The following DENND5A variants were observed in gnomAD, a reference collection of about 807,000 sequenced individuals.
The protein encoded by DENND5A is DENN domain containing 5A.
In DENND5A, 64 loss-of-function variants were observed where a neutral mutation model predicts 140.3. The observed-to-expected ratio is 0.46, with a 90% CI of 0.37 to 0.56. The LOEUF is 0.56. Among genes scored for constraint, DENND5A ranks in the 20% least tolerant of loss-of-function variants. The probability of loss-of-function intolerance (pLI) is 0.00; values close to 1 mark genes in which losing one functional copy is unlikely to be tolerated. For missense variants in DENND5A, 1,292 were observed against 1,593.8 expected, an observed-to-expected ratio of 0.81 and a Z score of 3.22; for synonymous variants, 605 against 607.7, an observed-to-expected ratio of 1.00 and a Z score of 0.07.
At position 9,203,846 on chromosome 11, in the gene DENND5A, G is replaced by A. The variant is rs1339874323; in HGVS notation, c.763C>T (p.Pro255Ser). The A allele has an allele frequency of 6.2e-7, 1 of 1,614,188 alleles. No individual in the cohort carries two copies. Among genetic ancestry groups the A allele is most frequent in the South Asian group, 1.1e-5 (1 of 91,086 alleles). The change falls in exon 4 of 23, where the codon CCT (proline) becomes TCT (serine). Residue 255 changes from proline to serine, a missense_variant. Physicochemically the swap from Pro to Ser is moderately conservative, Grantham distance 74. Coordinates refer to ENST00000328194, the MANE Select transcript of DENND5A (RefSeq NM_015213.4). ...GAAAACTTCAAGGACCGGCCAGGAG[G>A]TGGGAGCGGCACCTCGTAGAGTACG... ...YNVLYEVPLP[P>S]PGRSLKFSGV...
intron 15 of DENND5A, 127 bp downstream of exon 15, chr11:9,149,954 A>G: frequency 1.5e-6 from 2 of 1,313,694 alleles, no homozygotes; most frequent in Non-Finnish European, 2.0e-6. Flanking sequence ...CAAAACCTTC[A>G]TAAGCAAAGA....
At chr11:9,212,492 G>A (rs1255860257) in intron 1 of DENND5A, among the ~76,000 whole-genome samples, 1 of 151,970 alleles carries the variant, frequency 6.6e-6, no homozygotes, top group Non-Finnish European at 1.5e-5. Context: ...CAAACTTCTA[G>A]AAACCAATGA....
At chr11:9,207,789 AAAC>A (rs1451605793) in intron 1 of DENND5A, among the ~76,000 whole-genome samples, 157 bp from the exon 2 acceptor site, 4 of 152,192 alleles carry the variant, frequency 2.6e-5, no homozygotes, top group Non-Finnish European at 5.9e-5. Flanking sequence ...AAATTTCACA[AAAC>A]AATACTTACC....
At chr11:9,225,132 A>C (rs1007610713) in intron 1 of DENND5A, among the ~76,000 whole-genome samples, 8 of 152,236 alleles carry the variant, frequency 5.3e-5, no homozygotes, top group Admixed American at 4.6e-4. Flanking sequence ...ATGTATCTCT[A>C]GAATTGCAAC....
intron 1 of DENND5A, among the ~76,000 whole-genome samples, chr11:9,261,005 C>T (rs1305892302): frequency 7.2e-6 from 1 of 139,550 alleles, no homozygotes; most frequent in Non-Finnish European, 1.5e-5. Flanking sequence ...CATGCCACCA[C>T]ACCCAGCTAA....
intron 1 of DENND5A, among the ~76,000 whole-genome samples, chr11:9,231,193 C>T (rs1850754701): frequency 6.6e-6 from 1 of 152,188 alleles, no homozygotes; most frequent in Admixed American, 6.5e-5. Flanking sequence ...AAACAGGACA[C>T]ATAAATGTGC....
chr11:9,194,322 T>C (rs562908905), intron 4 of DENND5A, among the ~76,000 whole-genome samples: 27 of 152,298 alleles, frequency 1.8e-4, no homozygotes, highest in Non-Finnish European at 3.4e-4. Context: ...GCCAGCACTT[T>C]GGGAGGCCGA....
At chr11:9,140,758 T>C (rs142837655) in intron 22 of DENND5A, among the ~76,000 whole-genome samples, 1 of 152,200 alleles carries the variant, frequency 6.6e-6, no homozygotes, top group Non-Finnish European at 1.5e-5. Context: ...TTTCAGCATA[T>C]TGTATGAATG....
rs1358925197 is a variant in DENND5A, at chr11:9,145,089, T to C, written c.3028A>G (p.Thr1010Ala). Residue 1010 changes from threonine (T) to alanine (A), a missense_variant, in exon 18 of 23, where the codon ACT becomes GCT. By Grantham distance (58) the Thr-to-Ala change is moderately conservative. This residue lies in a region of DENND5A where 498 missense variants were observed against 689.7 expected (regional missense o/e 0.72). Coordinates refer to ENST00000328194, the MANE Select transcript of DENND5A (RefSeq NM_015213.4). ...FECQNLGKLT[T>A]VQIGHDNSGL... ...GAGTTATCATGGCCAATCTGGACAG[T>C]AGTAAGCTTCCCCAAGTTCTGGCAC... 4 of 1,613,928 alleles carry C rather than the reference T, an allele frequency of 2.5e-6. No homozygotes were observed. The highest frequency in any genetic ancestry group is 2.5e-6 in the Non-Finnish European group (3 of 1,179,802).
chr11:9,157,909 T>G (rs1023885519), intron 12 of DENND5A, among the ~76,000 whole-genome samples: 9 of 152,324 alleles, frequency 5.9e-5, no homozygotes, highest in African/African-American at 2.2e-4. Context: ...TTTAAAGTCA[T>G]CCAGTGGAGC....
At chr11:9,213,120 C>T (rs868657880) in intron 1 of DENND5A, among the ~76,000 whole-genome samples, 100 of 151,648 alleles carry the variant, frequency 6.6e-4, no homozygotes, top group African/African-American at 1.4e-3. Context: ...TCTCCTTCCT[C>T]GGCCTCCCGA....
intron 19 of DENND5A, 108 bp downstream of exon 19, chr11:9,143,989 G>A: frequency 2.3e-6 from 3 of 1,330,286 alleles, no homozygotes; most frequent in Non-Finnish European, 3.1e-6. Context: ...AGTGTTTCCT[G>A]AGGCAGCTGC....
chr11:9,254,272 G>T (rs369464796), intron 1 of DENND5A, among the ~76,000 whole-genome samples: 1 of 151,410 alleles, frequency 6.6e-6, no homozygotes, highest in Non-Finnish European at 1.5e-5. Flanking sequence ...GCTCAGAAAC[G>T]CCGAGGAAGT....
In DENND5A at chr11:9,152,401, G is replaced by A. The variant is rs769180011; in HGVS notation, c.2478C>T (p.Asp826=). 6.8e-6 allele frequency: 11 copies of A among 1,613,942 alleles called. No individual in the cohort carries two copies. Among genetic ancestry groups the A allele is most frequent in the Non-Finnish European group, 8.5e-6 (10 of 1,179,832 alleles). ...ALWSHLLHYQ[D]NRQRKLTSGS... is the part of the protein sequence containing the mutation. ...CTGATGTGAGTTTTCTCTGCCGGTTGTCCTGATAATGTAACAGGTGGGACC... is the reference window on the plus strand; with the variant it reads ...CTGATGTGAGTTTTCTCTGCCGGTTATCCTGATAATGTAACAGGTGGGACC... The change falls in exon 13 of 23, where the codon GAC becomes GAT. Residue 826 remains aspartate (D), a synonymous_variant. Coordinates refer to ENST00000328194, the MANE Select transcript of DENND5A (RefSeq NM_015213.4).
intron 1 of DENND5A, among the ~76,000 whole-genome samples, chr11:9,215,480 T>C (rs112944689): frequency 5.3e-5 from 8 of 152,010 alleles, no homozygotes; most frequent in Non-Finnish European, 1.2e-4. Context: ...ATTTCCTGTT[T>C]AGTGGGTGAT....
chr11:9,170,342 TG>T (rs1470723929), intron 9 of DENND5A: 1 of 940,954 alleles, frequency 1.1e-6, no homozygotes, highest in Non-Finnish European at 1.3e-6. Context: ...GCTAGCTTGC[TG>T]TTGAATGGGA....
intron 3 of DENND5A, among the ~76,000 whole-genome samples, chr11:9,205,983 CA>C (rs1242744251): frequency 6.6e-6 from 1 of 152,216 alleles, no homozygotes; most frequent in African/African-American, 2.4e-5. Flanking sequence ...AACTCCAACT[CA>C]ACTACTTATT....
rs1467598082 is a variant in DENND5A at position 9,265,171 on chromosome 11, C to T, written c.-102G>A. ...CTCAGGCCGCCCCTCCCGCCGCCGC[C>T]GCTACCGCGGCTCGGGCCGCCGCCC... On this transcript the variant is annotated 5_prime_UTR_variant, in exon 1 of 23. Coordinates refer to ENST00000328194, the MANE Select transcript of DENND5A (RefSeq NM_015213.4). The surrounding 1 kb of genome is among the most constrained non-coding windows in gnomAD (Gnocchi z 4.7). The T allele has an allele frequency of 3.3e-6, 2 of 606,170 alleles. No homozygotes were observed. Among genetic ancestry groups the T allele is most frequent in the East Asian group, 1.3e-4 (1 of 7,616 alleles). The allele number at this position is 606,170 out of a possible 1,614,324, so 37.5% of individuals were successfully genotyped here.
At chr11:9,187,031 C>A (rs910759193) in intron 5 of DENND5A, among the ~76,000 whole-genome samples, 1 of 152,138 alleles carries the variant, frequency 6.6e-6, no homozygotes, top group Non-Finnish European at 1.5e-5. Context: ...TTGCAGTGAG[C>A]TGAGATGGCA....
Sources: allele counts gnomAD v4.1 joint callset (sites outside exome capture counted in the v4.1 genomes callset), GRCh38; gene constraint gnomAD v4.1.1; regional missense constraint gnomAD v4.1.1; non-coding constraint Gnocchi (gnomAD v3.1); transcripts MANE v1.5; gene names NCBI Gene and HGNC (gene_info 2026-07-23, HGNC 2026-07-21).